The following CNTNAP2 variants were observed in gnomAD, a reference collection of about 807,000 sequenced individuals.
CNTNAP2 encodes contactin-associated protein-like 2.
CNTNAP2 carries 98 observed loss-of-function variants against 155.2 expected under a neutral mutation model. The observed-to-expected ratio is 0.63, with a 90% CI of 0.54 to 0.75. CNTNAP2 has a LOEUF of 0.75. Ranked by LOEUF, CNTNAP2 falls within the 30% of genes least tolerant of loss-of-function variation. CNTNAP2 has a pLI of 0.00. For synonymous variants in CNTNAP2, 651 were observed against 631.2 expected, an observed-to-expected ratio of 1.03 and a Z score of -0.47; for missense variants, 1,727 against 1,688.1, an observed-to-expected ratio of 1.02 and a Z score of -0.40.
At chr7:146,162,609 A>C (rs538843633) in intron 1 of CNTNAP2, among the ~76,000 whole-genome samples, 1 of 152,334 alleles carries the variant, frequency 6.6e-6, no homozygotes, top group Admixed American at 6.5e-5. Context: ...TGATTCCTCA[A>C]GGATCTAGAA....
chr7:147,373,682 A>G (rs1022572207), intron 9 of CNTNAP2, among the ~76,000 whole-genome samples: 2 of 152,024 alleles, frequency 1.3e-5, no homozygotes, highest in Non-Finnish European at 2.9e-5. Flanking sequence ...GTGGTCAGAA[A>G]CTTTCCTGGA....
chr7:148,330,549 ACGGATGGATAGAG>A (rs1797973794), intron 21 of CNTNAP2, among the ~76,000 whole-genome samples: 3 of 140,084 alleles, frequency 2.1e-5, no homozygotes. Context: ...GATGGAGTGC[ACGGATGGATAGAG>A]TGGATGGATG....
chr7:148,341,037 C>G (rs1798220050), intron 21 of CNTNAP2, among the ~76,000 whole-genome samples: 1 of 152,192 alleles, frequency 6.6e-6, no homozygotes, highest in African/African-American at 2.4e-5. Context: ...TGACCCACAG[C>G]GACTGCTGAT....
chr7:148,197,908 A>G (rs571904384), intron 18 of CNTNAP2, among the ~76,000 whole-genome samples: 5 of 152,342 alleles, frequency 3.3e-5, no homozygotes, highest in African/African-American at 1.2e-4. Context: ...CCTACACCAT[A>G]CAGATTAGTT....
At chr7:146,717,123 C>A (rs1461622480) in intron 1 of CNTNAP2, among the ~76,000 whole-genome samples, 3 of 152,086 alleles carry the variant, frequency 2.0e-5, no homozygotes, top group African/African-American at 4.8e-5. Context: ...GTGAAAGATC[C>A]TTATGCCTGG....
intron 10 of CNTNAP2, among the ~76,000 whole-genome samples, chr7:147,438,854 C>G (rs73475141): frequency 0.22 from 32,665 of 151,670 alleles, 4,018 homozygotes; most frequent in African/African-American, 0.33. Context: ...ATTTTTTTCC[C>G]TAGATTTTTC....
chr7:148,018,988 T>C (rs572155641), intron 15 of CNTNAP2, among the ~76,000 whole-genome samples: 1 of 152,248 alleles, frequency 6.6e-6, no homozygotes, highest in Non-Finnish European at 1.5e-5. Context: ...GAAATCACTA[T>C]GTAAAACTGT....
chr7:146,944,224 G>GTTTT lies in CNTNAP2; in HGVS notation c.403-99675_403-99672dup, dbSNP rs371117366. Reference sequence around the variant, plus strand: ...TCTAGGCTGTGAGATTCATCTACAGGTTTTTTTTTTTCAAATTGTTGCAAA... The same window carrying GTTTT: ...TCTAGGCTGTGAGATTCATCTACAGGTTTTTTTTTTTTTTTCAAATTGTTGCAAA... On this transcript the variant is annotated intron_variant, in intron 3 of 23. Transcript: ENST00000361727. 5.3e-4 allele frequency among the ~76,000 whole-genome samples: 76 copies of GTTTT among 143,594 alleles called. 1 individual carries two copies. The highest frequency in any genetic ancestry group is 6.4e-4 in the Non-Finnish European group (42 of 65,850). The allele number at this position is 143,594 out of a possible 152,430, so 94.2% of individuals were successfully genotyped here. A position where few individuals can be genotyped will look rare whatever the true frequency, so the allele number is the denominator to read the frequency against.
chr7:148,014,906 G>A (rs1802147526), intron 15 of CNTNAP2, among the ~76,000 whole-genome samples: 1 of 152,222 alleles, frequency 6.6e-6, no homozygotes, highest in South Asian at 2.1e-4. Context: ...GCCCAGCTGA[G>A]AGAGAAGGCT....
chr7:146,541,650 C>G (rs1339798847), intron 1 of CNTNAP2, among the ~76,000 whole-genome samples: 22 of 151,860 alleles, frequency 1.4e-4, no homozygotes, highest in Non-Finnish European at 1.5e-5. Context: ...GGTTATTAAA[C>G]AGCAAAACAC....
intron 3 of CNTNAP2, among the ~76,000 whole-genome samples, chr7:146,873,801 G>A (rs1313377380): frequency 6.6e-6 from 1 of 152,082 alleles, no homozygotes; most frequent in African/African-American, 2.4e-5. Flanking sequence ...CAGAGAGCCT[G>A]GGTCATATTC....
At chr7:146,211,682 A>G (rs771588270) in intron 1 of CNTNAP2, among the ~76,000 whole-genome samples, 11 of 152,146 alleles carry the variant, frequency 7.2e-5, no homozygotes, top group East Asian at 1.9e-4. Context: ...GTGAATAGGT[A>G]TATTGGAATA....
chr7:146,793,725 G>C (rs1802718873), intron 2 of CNTNAP2, among the ~76,000 whole-genome samples: 1 of 152,202 alleles, frequency 6.6e-6, no homozygotes, highest in South Asian at 2.1e-4. Context: ...CCAGCCTTTG[G>C]GCAGCTGTGG....
At chr7:146,870,633 C>G (rs1039621509) in intron 3 of CNTNAP2, among the ~76,000 whole-genome samples, 1 of 152,110 alleles carries the variant, frequency 6.6e-6, no homozygotes, top group Admixed American at 6.6e-5. Context: ...TCAGAGGCTG[C>G]TCATTTCTCA....
intron 13 of CNTNAP2, among the ~76,000 whole-genome samples, chr7:147,747,042 T>C (rs1563075039): frequency 1.3e-5 from 2 of 152,206 alleles, no homozygotes; most frequent in African/African-American, 2.4e-5. Flanking sequence ...AGGGTCACAT[T>C]TGGCTTTTGG....
intron 10 of CNTNAP2, among the ~76,000 whole-genome samples, chr7:147,439,927 A>G (rs1797609530): frequency 6.6e-6 from 1 of 152,014 alleles, no homozygotes; most frequent in Non-Finnish European, 1.5e-5. Flanking sequence ...AGTGGCGTGG[A>G]ATATCTTTTT....
At chr7:147,242,598 C>T (rs914743179) in intron 8 of CNTNAP2, among the ~76,000 whole-genome samples, 2 of 152,158 alleles carry the variant, frequency 1.3e-5, no homozygotes, top group Admixed American at 6.5e-5. Context: ...ACTGGTACCC[C>T]GATCGTTTTG....
intron 12 of CNTNAP2, among the ~76,000 whole-genome samples, chr7:147,608,838 G>A (rs1024218493): frequency 2.0e-5 from 3 of 152,004 alleles, no homozygotes; most frequent in Non-Finnish European, 2.9e-5. Context: ...GGGTGGGGCC[G>A]TTTTATAGGA....
intron 1 of CNTNAP2, among the ~76,000 whole-genome samples, chr7:146,593,249 C>T (rs935719838): frequency 5.3e-5 from 8 of 151,806 alleles, no homozygotes; most frequent in African/African-American, 1.2e-4. Context: ...CTTCCAACCC[C>T]GGGTGAACCC....
Sources: gnomAD v4.1 joint callset for allele counts (sites outside exome capture counted in the v4.1 genomes callset) on GRCh38, gnomAD v4.1.1 for gene constraint, MANE v1.5 for transcripts, NCBI Gene and HGNC (gene_info 2026-07-23, HGNC 2026-07-21) for gene names.